Variants in RBFOX1 observed in about 807,000 individuals in gnomAD.
RBFOX1 encodes RNA binding protein fox-1 homolog 1.
RBFOX1 carries 8 observed loss-of-function variants against 57.7 expected under a neutral mutation model. The ratio of observed to expected loss-of-function variants is 0.14; its 90% CI spans 0.08 to 0.25. The LOEUF (loss-of-function observed/expected upper bound fraction) is 0.25, where lower values mean the gene tolerates loss of function less well. RBFOX1 is among the 10% of genes least tolerant of loss of function. The pLI, the probability that RBFOX1 is intolerant of heterozygous loss-of-function variation, is 1.00. For synonymous variants in RBFOX1, 326 were observed against 222.4 expected (o/e 1.47, Z -4.15); for missense variants, 611 against 548.5 (o/e 1.11, Z -1.14).
intron 4 of RBFOX1, among the ~76,000 whole-genome samples, chr16:7,244,247 C>CAAAAAAAAAAAAAAAAAAAAAA (rs60054791): frequency 1.0e-5 from 1 of 99,228 alleles, no homozygotes; most frequent in Non-Finnish European, 2.1e-5. Context: ...CAAAGTATTC[C>CAAAAAAAAAAAAAAAAAAAAAA]AAAAAAAAAA....
At chr16:6,863,930 T>C (rs1603633872) in intron 3 of RBFOX1, among the ~76,000 whole-genome samples, 2 of 151,700 alleles carry the variant, frequency 1.3e-5, no homozygotes, top group African/African-American at 4.8e-5. Context: ...TCACACTTTG[T>C]GCTCCCTCCT....
intron 3 of RBFOX1, among the ~76,000 whole-genome samples, chr16:5,837,312 A>G (rs1386635102): frequency 6.6e-6 from 1 of 151,740 alleles, no homozygotes; most frequent in Non-Finnish European, 1.5e-5. Context: ...TCACAGATAC[A>G]GCCCCAAGGG....
intron 1 of RBFOX1, among the ~76,000 whole-genome samples, chr16:5,459,708 A>G (rs2068733361): frequency 6.6e-6 from 1 of 152,062 alleles, no homozygotes; most frequent in Admixed American, 6.6e-5. Flanking sequence ...TCCCCGACTC[A>G]CAGCACACAT....
At chr16:6,095,164 G>C (rs546321277) in intron 1 of RBFOX1, among the ~76,000 whole-genome samples, 62 of 152,286 alleles carry the variant, frequency 4.1e-4, no homozygotes, top group African/African-American at 1.5e-3. Flanking sequence ...CAGCATTACT[G>C]GAGGTTATTA....
intron 3 of RBFOX1, among the ~76,000 whole-genome samples, chr16:6,722,419 G>T (rs1237629271): frequency 6.6e-6 from 1 of 152,198 alleles, no homozygotes; most frequent in Non-Finnish European, 1.5e-5. Flanking sequence ...TATATTATTT[G>T]CAGAGCAGCT....
chr16:6,429,634 A>G (rs1349267444), intron 2 of RBFOX1, among the ~76,000 whole-genome samples: 1 of 152,130 alleles, frequency 6.6e-6, no homozygotes, highest in Non-Finnish European at 1.5e-5. Context: ...CCAGGTGGAG[A>G]TAATTGAATC....
intron 3 of RBFOX1, among the ~76,000 whole-genome samples, chr16:6,826,939 G>A (rs2092226289): frequency 6.6e-6 from 1 of 152,106 alleles, no homozygotes; most frequent in Non-Finnish European, 1.5e-5. Flanking sequence ...TGTGCAAATG[G>A]AAGAAATAGG....
chr16:6,147,777 C>G (rs546582706), intron 1 of RBFOX1, among the ~76,000 whole-genome samples: 5 of 152,238 alleles, frequency 3.3e-5, no homozygotes, highest in Admixed American at 3.3e-4. Flanking sequence ...TCACCATCCA[C>G]TCAGTTGCTG....
chr16:7,186,694 TAA>T (rs1178986474), intron 4 of RBFOX1, among the ~76,000 whole-genome samples: 1 of 149,032 alleles, frequency 6.7e-6, no homozygotes, highest in African/African-American at 2.4e-5. Flanking sequence ...TCTTTAAATA[TAA>T]GTTTCATGGT....
At chr16:7,044,013 C>G (rs566414708) in intron 3 of RBFOX1, among the ~76,000 whole-genome samples, 1 of 152,304 alleles carries the variant, frequency 6.6e-6, no homozygotes, top group African/African-American at 2.4e-5. Context: ...GCACCTCTTA[C>G]ACTTTCACTG....
intron 3 of RBFOX1, among the ~76,000 whole-genome samples, chr16:5,783,077 C>A (rs1208971206): frequency 1.3e-5 from 2 of 152,160 alleles, no homozygotes; most frequent in Non-Finnish European, 2.9e-5. Context: ...TCTTAGCATT[C>A]CCTAATCCAG....
chr16:7,076,098 A>G lies in RBFOX1; in HGVS notation c.27+24000A>G, dbSNP rs75458076. ...TGTTCTATTGCCAGGCTGGACTGCC[A>G]TGGCGCGATCTCGGCTCACTGCAAC... On this transcript the variant is annotated intron_variant, in intron 4 of 15. Coordinates refer to ENST00000550418, the MANE Select transcript of RBFOX1 (RefSeq NM_018723.4). Among the ~76,000 whole-genome samples, 271 of 142,860 alleles carry G rather than the reference A, an allele frequency of 1.9e-3. 1 individual carries two copies. Among genetic ancestry groups the G allele is most frequent in the African/African-American group, 6.5e-3 (247 of 37,858 alleles). The allele number at this position is 142,860 out of a possible 152,430, so 93.7% of individuals were successfully genotyped here.
intron 2 of RBFOX1, among the ~76,000 whole-genome samples, chr16:5,591,638 C>T (rs535774260): frequency 1.4e-4 from 21 of 152,316 alleles, no homozygotes; most frequent in African/African-American, 5.1e-4. Context: ...ATTCTTAAAA[C>T]AATGAACAGA....
At chr16:5,339,470 G>GGTTTTTTTTTTTTT (rs1567354925) in intron 1 of RBFOX1, among the ~76,000 whole-genome samples, 7 of 40,888 alleles carry the variant, frequency 1.7e-4, no homozygotes, top group Non-Finnish European at 1.8e-4. Flanking sequence ...CTTTTTCCGT[G>GGTTTTTTTTTTTTT]TTTTTTTTTT....
chr16:5,483,729 G>T (rs1175458417), intron 2 of RBFOX1, among the ~76,000 whole-genome samples: 1 of 152,134 alleles, frequency 6.6e-6, no homozygotes, highest in African/African-American at 2.4e-5. Flanking sequence ...GAGTGTATTA[G>T]TTATCTATTG....
intron 3 of RBFOX1, among the ~76,000 whole-genome samples, chr16:5,728,957 G>A (rs746494886): frequency 5.9e-5 from 9 of 152,206 alleles, no homozygotes; most frequent in African/African-American, 2.2e-4. Context: ...ACAGTGACAG[G>A]TTGAACTTTA....
intron 2 of RBFOX1, among the ~76,000 whole-genome samples, chr16:6,510,676 C>A (rs2096237340): frequency 6.6e-6 from 1 of 152,086 alleles, no homozygotes; most frequent in Non-Finnish European, 1.5e-5. Context: ...CAGTTGGTTA[C>A]TCTACTGGGC....
In RBFOX1 at chr16:6,119,729, G is replaced by A. The variant is rs556821614; in HGVS notation, c.-127+99737G>A. Among the ~76,000 whole-genome samples the A allele has an allele frequency of 1.2e-4, 19 of 152,198 alleles. 1 individual carries two copies. The South Asian group carries it at 3.7e-3, about 30-fold the overall frequency. Reference sequence around the variant, plus strand: ...GTATCCACAGGCTGGTTTCAGACTCGTGACCCTAAGCAATCCTCCCTCAGC... The same window carrying A: ...GTATCCACAGGCTGGTTTCAGACTCATGACCCTAAGCAATCCTCCCTCAGC... On this transcript the variant is annotated intron_variant, in intron 1 of 15. Transcript: ENST00000550418.
At chr16:5,483,198 AT>A (rs775772711) in intron 2 of RBFOX1, among the ~76,000 whole-genome samples, 36 of 152,156 alleles carry the variant, frequency 2.4e-4, no homozygotes, top group Non-Finnish European at 5.3e-4. Flanking sequence ...GATGGCTTGG[AT>A]TTCCACAATG....
Sources: gnomAD v4.1 joint callset for allele counts (sites outside exome capture counted in the v4.1 genomes callset) on GRCh38, gnomAD v4.1.1 for gene constraint, MANE v1.5 for transcripts, NCBI Gene and HGNC (gene_info 2026-07-23, HGNC 2026-07-21) for gene names.